Variants in MACROD2 observed in about 807,000 individuals in gnomAD.
MACROD2 encodes the protein ADP-ribose glycohydrolase MACROD2.
In MACROD2, 36 loss-of-function variants were observed where a neutral mutation model predicts 70.4. The observed-to-expected ratio is 0.51, with a 90% CI of 0.39 to 0.68. The LOEUF is 0.68. MACROD2 is among the 30% of genes least tolerant of loss of function. The pLI is 0.00. For synonymous variants in MACROD2, 172 were observed against 178.8 expected, an observed-to-expected ratio of 0.96 and a Z score of 0.30; for missense variants, 496 against 538.4, an observed-to-expected ratio of 0.92 and a Z score of 0.78.
At position 16,044,627 on chromosome 20, in the gene MACROD2, G is replaced by T; in HGVS notation, c.1288G>T (p.Asp430Tyr). 6.2e-7 allele frequency: 1 copy of T among 1,612,144 alleles called. No homozygotes were observed. The highest frequency in any genetic ancestry group is 2.2e-5 in the East Asian group (1 of 44,784). Residue 430 changes from aspartate (D) to tyrosine (Y), a missense_variant, in exon 17 of 18, where the codon GAT becomes TAT. Physicochemically the swap from Asp to Tyr is radical, Grantham distance 160. Transcript: ENST00000684519. ...TGACCCAACAGAGAGTCAACAAGAA[G>T]ATCAACTAATAGGTAAGATGCCCCT... ...VNDPTESQQE[D>Y]QLIAGAQDEA...
chr20:14,527,856 C>T (rs1458466063), intron 4 of MACROD2, among the ~76,000 whole-genome samples: 2 of 152,118 alleles, frequency 1.3e-5, no homozygotes, highest in Non-Finnish European at 2.9e-5. Context: ...TGTAGTAACA[C>T]TTCTCATGTC....
intron 3 of MACROD2, among the ~76,000 whole-genome samples, chr20:14,101,090 C>T (rs2054298182): frequency 6.6e-6 from 1 of 151,184 alleles, no homozygotes; most frequent in Admixed American, 6.6e-5. Flanking sequence ...GTCCACCTTA[C>T]TGAAGTTAAT....
intron 2 of MACROD2, among the ~76,000 whole-genome samples, chr20:14,018,235 ATTTTG>A (rs1051898130): frequency 2.6e-5 from 4 of 151,542 alleles, no homozygotes; most frequent in Non-Finnish European, 4.4e-5. Flanking sequence ...AAGAACTAAA[ATTTTG>A]TTTTGTTGAT....
intron 5 of MACROD2, among the ~76,000 whole-genome samples, chr20:14,950,629 G>C (rs1347955581): frequency 6.6e-6 from 1 of 152,134 alleles, no homozygotes; most frequent in African/African-American, 2.4e-5. Flanking sequence ...CAAGCTTGGT[G>C]CACAGAAACT....
At chr20:14,564,672 T>A (rs1465477729) in intron 4 of MACROD2, among the ~76,000 whole-genome samples, 1 of 151,612 alleles carries the variant, frequency 6.6e-6, no homozygotes, top group Non-Finnish European at 1.5e-5. Flanking sequence ...GAATAGCTAT[T>A]AAAAAGTCAA....
intron 4 of MACROD2, among the ~76,000 whole-genome samples, chr20:14,503,094 G>C (rs540216283): frequency 6.6e-6 from 1 of 152,162 alleles, no homozygotes; most frequent in African/African-American, 2.4e-5. Flanking sequence ...AGAAGCAGTA[G>C]CATTTTTCTA....
intron 5 of MACROD2, among the ~76,000 whole-genome samples, chr20:15,019,498 G>T (rs1265943973): frequency 6.6e-6 from 1 of 152,110 alleles, no homozygotes; most frequent in African/African-American, 2.4e-5. Flanking sequence ...AGAGATTTCT[G>T]TATTTACCAA....
chr20:14,431,276 A>G (rs2061383613), intron 3 of MACROD2, among the ~76,000 whole-genome samples: 1 of 152,134 alleles, frequency 6.6e-6, no homozygotes, highest in African/African-American at 2.4e-5. Context: ...CAGTTTGCAC[A>G]AGATATATAA....
intron 7 of MACROD2, among the ~76,000 whole-genome samples, chr20:15,491,252 G>A (rs2047228133): frequency 6.6e-6 from 1 of 152,142 alleles, no homozygotes; most frequent in Non-Finnish European, 1.5e-5. Context: ...CTGACAGCCA[G>A]TGAGCTCCCC....
chr20:14,832,817 G>A (rs1393331579), intron 5 of MACROD2, among the ~76,000 whole-genome samples: 1 of 152,150 alleles, frequency 6.6e-6, no homozygotes, highest in Admixed American at 6.5e-5. Flanking sequence ...CTGGGAAGTA[G>A]AAGTGAGGTA....
intron 3 of MACROD2, among the ~76,000 whole-genome samples, chr20:14,435,202 C>T (rs1353086335): frequency 6.6e-6 from 1 of 152,124 alleles, no homozygotes; most frequent in Admixed American, 6.6e-5. Context: ...CTTGTGGATA[C>T]ACAACTCCAA....
chr20:15,335,830 A>G (rs377760858), intron 6 of MACROD2, among the ~76,000 whole-genome samples: 2 of 151,676 alleles, frequency 1.3e-5, no homozygotes, highest in Admixed American at 1.3e-4. Context: ...GTTGATGCCA[A>G]GCCCAAACAG....
intron 3 of MACROD2, among the ~76,000 whole-genome samples, chr20:14,092,784 T>G (rs754346228): frequency 5.9e-5 from 9 of 152,230 alleles, no homozygotes; most frequent in Non-Finnish European, 1.3e-4. Context: ...AATATGTACT[T>G]GGTATAGTTT....
intron 5 of MACROD2, among the ~76,000 whole-genome samples, chr20:14,800,764 G>A (rs989649919): frequency 6.6e-6 from 1 of 152,050 alleles, no homozygotes; most frequent in Admixed American, 6.6e-5. Context: ...GAGGTTAGTC[G>A]TAGCCATGGG....
intron 15 of MACROD2, among the ~76,000 whole-genome samples, chr20:16,006,809 A>G (rs57792062): frequency 0.11 from 17,023 of 152,186 alleles, 1,074 homozygotes; most frequent in Non-Finnish European, 0.13. Flanking sequence ...GGGTAAAAGG[A>G]GAATTACTTT....
At position 15,691,831 on chromosome 20, in the gene MACROD2, T is replaced by C. The variant is rs1160001331; in HGVS notation, c.646-170914T>C. 3.9e-5 allele frequency among the ~76,000 whole-genome samples: 6 copies of C among 152,342 alleles called. No individual in the cohort carries two copies. In the South Asian group the frequency reaches 1.2e-3, roughly 32 times the overall value. On this transcript the variant is annotated intron_variant, in intron 8 of 17. Transcript: ENST00000684519. ...TTTCTGACCGCTTTATCCTATGTCATTGAGCATGTAATGACTCCAACTGCT... is the reference window on the plus strand; with the variant it reads ...TTTCTGACCGCTTTATCCTATGTCACTGAGCATGTAATGACTCCAACTGCT...
intron 9 of MACROD2, among the ~76,000 whole-genome samples, chr20:15,883,516 A>G (rs1290807262): frequency 1.3e-5 from 2 of 152,104 alleles, no homozygotes; most frequent in Non-Finnish European, 2.9e-5. Flanking sequence ...TTAAAAGTTA[A>G]CCATAGTTAT....
In MACROD2 at chr20:15,852,160, T is replaced by G. The variant is rs572197937; in HGVS notation, c.646-10585T>G. On this transcript the variant is annotated intron_variant, in intron 8 of 17. Coordinates refer to ENST00000684519, the MANE Select transcript of MACROD2 (RefSeq NM_001351661.2). ...CGACAGATGTGTCGTTTGTGAAATT[T>G]TGATCAATATGAGGCAGGCTCGGAA... is the stretch of plus-strand genomic sequence containing the variant. Among the ~76,000 whole-genome samples, 10 of 152,316 alleles carry G rather than the reference T, an allele frequency of 6.6e-5. No individual in the cohort carries two copies. The East Asian group carries it at 1.9e-3, about 29-fold the overall frequency.
intron 7 of MACROD2, among the ~76,000 whole-genome samples, chr20:15,460,573 C>T (rs983304557): frequency 6.6e-6 from 1 of 152,110 alleles, no homozygotes; most frequent in Non-Finnish European, 1.5e-5. Flanking sequence ...AAACTTCTTC[C>T]CTTTGATCCA....
Sources: allele counts gnomAD v4.1 joint callset (sites outside exome capture counted in the v4.1 genomes callset), GRCh38; gene constraint gnomAD v4.1.1; transcripts MANE v1.5; gene names NCBI Gene and HGNC (gene_info 2026-07-23, HGNC 2026-07-21).